EEIG1: variants seen among roughly 807,000 people sequenced by gnomAD.
EEIG1 encodes the protein estrogen-induced osteoclastogenesis regulator 1, also known as early estrogen-induced gene 1 protein.
At chr9:127,968,575 T>G in the EEIG1 span, among the ~76,000 whole-genome samples, 2 of 152,172 alleles carry the variant, frequency 1.3e-5, no homozygotes, top group East Asian at 3.8e-4. Flanking sequence ...TAAGCCTTCT[T>G]GTGCCACCTT....
the EEIG1 span, among the ~76,000 whole-genome samples, chr9:127,949,329 A>AAAAG: frequency 6.6e-6 from 1 of 150,846 alleles, no homozygotes; most frequent in Admixed American, 6.6e-5. Context: ...AAAAAAAAAA[A>AAAAG]AAAGAAAGGG....
At chr9:127,968,033 CAAAT>C in the EEIG1 span, among the ~76,000 whole-genome samples, 2 of 134,182 alleles carry the variant, frequency 1.5e-5, no homozygotes, top group Admixed American at 8.5e-5. Context: ...TTCCTGGGCT[CAAAT>C]GATCCTCCTG....
chr9:127,976,517 T>C, the EEIG1 span, among the ~76,000 whole-genome samples: 1 of 152,250 alleles, frequency 6.6e-6, no homozygotes, highest in African/African-American at 2.4e-5. The surrounding 1 kb of genome is among the most constrained non-coding windows in gnomAD (Gnocchi z 4.1). Flanking sequence ...CCTCTCTGGA[T>C]GGCTGAGAGG....
chr9:127,941,579 C>CAAA, the EEIG1 span: 1 of 152,150 alleles, frequency 6.6e-6, no homozygotes, highest in South Asian at 2.1e-4. Context: ...AGTAAAACAA[C>CAAA]AACAAATGCT....
the EEIG1 span, among the ~76,000 whole-genome samples, chr9:127,968,422 G>A: frequency 6.6e-6 from 1 of 152,176 alleles, no homozygotes; most frequent in Non-Finnish European, 1.5e-5. Context: ...CTCCCAGAGT[G>A]TGGAGGTCCT....
chr9:127,980,074 T>A, the EEIG1 span: 1 of 1,613,994 alleles, frequency 6.2e-7, no homozygotes, highest in Non-Finnish European at 8.5e-7. Flanking sequence ...GGAACCGCAG[T>A]CAGCTCCTCC....
the EEIG1 span, among the ~76,000 whole-genome samples, chr9:127,971,105 G>A: frequency 6.6e-6 from 1 of 152,214 alleles, no homozygotes; most frequent in Admixed American, 6.5e-5. Context: ...TGAGAGGTAA[G>A]AGTGTTTAGC....
chr9:127,961,265 T>A, the EEIG1 span, among the ~76,000 whole-genome samples: 1 of 114,032 alleles, frequency 8.8e-6, no homozygotes, highest in Non-Finnish European at 1.9e-5. Flanking sequence ...GGGAAGCAGC[T>A]GGGCACCCCC....
chr9:127,949,377 C>T, the EEIG1 span, among the ~76,000 whole-genome samples: 9 of 151,548 alleles, frequency 5.9e-5, no homozygotes, highest in South Asian at 2.1e-4. Flanking sequence ...CTTATTCACT[C>T]GGCCATGAAA....
the EEIG1 span, among the ~76,000 whole-genome samples, chr9:127,966,694 A>G: frequency 6.6e-6 from 1 of 152,212 alleles, no homozygotes; most frequent in Non-Finnish European, 1.5e-5. Flanking sequence ...TTAACCAAGA[A>G]TCTCATGCAC....
chr9:127,960,136 G>T, the EEIG1 span, among the ~76,000 whole-genome samples: 15 of 152,210 alleles, frequency 9.9e-5, no homozygotes, highest in African/African-American at 3.6e-4. Flanking sequence ...TGCTTCAGGT[G>T]GGGGGTTAGG....
the EEIG1 span, among the ~76,000 whole-genome samples, chr9:127,971,756 G>A: frequency 6.6e-5 from 10 of 152,210 alleles, no homozygotes; most frequent in African/African-American, 2.2e-4. Context: ...TGTGGACAGA[G>A]ACTGCAGTGC....
At chr9:127,973,017 C>T in the EEIG1 span, among the ~76,000 whole-genome samples, 105 of 152,244 alleles carry the variant, frequency 6.9e-4, no homozygotes, top group Middle Eastern at 0.01. This position sits in a 1 kb window ranked among gnomAD's most constrained non-coding sequence, Gnocchi z 4.2. Context: ...TAATACAGAG[C>T]AACACCCCCT....
At chr9:127,955,990 C>G in the EEIG1 span, among the ~76,000 whole-genome samples, 1 of 152,276 alleles carries the variant, frequency 6.6e-6, no homozygotes, top group South Asian at 2.1e-4. Context: ...TGTGATGTCA[C>G]CAGAATGCAC....
chr9:127,978,142 C>A, the EEIG1 span, among the ~76,000 whole-genome samples: 1 of 152,184 alleles, frequency 6.6e-6, no homozygotes, highest in Non-Finnish European at 1.5e-5. Context: ...CAGCTCCCAA[C>A]AGAACAGGGA....
chr9:127,980,708 G>T, the EEIG1 span, among the ~76,000 whole-genome samples: 1 of 150,092 alleles, frequency 6.7e-6, no homozygotes, highest in African/African-American at 2.4e-5. Context: ...GGGCTGCCAG[G>T]AGCTCGGGGG....
chr9:127,958,028 C>A, the EEIG1 span, among the ~76,000 whole-genome samples: 2 of 152,132 alleles, frequency 1.3e-5, no homozygotes, highest in African/African-American at 4.8e-5. Flanking sequence ...AAGAAACCAA[C>A]CTTCACTTTT....
the EEIG1 span, among the ~76,000 whole-genome samples, chr9:127,951,686 G>A: frequency 8.6e-5 from 13 of 151,920 alleles, no homozygotes; most frequent in African/African-American, 2.9e-4. Context: ...GCGAGGTGGC[G>A]GGCACCTGTA....
At chr9:127,964,393 A>G in the EEIG1 span, among the ~76,000 whole-genome samples, 1 of 152,166 alleles carries the variant, frequency 6.6e-6, no homozygotes, top group Non-Finnish European at 1.5e-5. Flanking sequence ...GAGCCTTGAC[A>G]ACCCCAGGTC....
Sources: gnomAD v4.1 joint callset for allele counts (sites outside exome capture counted in the v4.1 genomes callset) on GRCh38, gnomAD v4.1.1 for gene constraint, Gnocchi (gnomAD v3.1) non-coding constraint, MANE v1.5 for transcripts, NCBI Gene and HGNC (gene_info 2026-07-23, HGNC 2026-07-21) for gene names.